TP53BP1: variants seen among roughly 807,000 people sequenced by gnomAD.
The protein encoded by TP53BP1 is tumor protein p53 binding protein 1.
TP53BP1 carries 61 observed loss-of-function variants against 200.8 expected under a neutral mutation model. The ratio of observed to expected loss-of-function variants is 0.30; its 90% CI spans 0.25 to 0.38. TP53BP1 has a LOEUF of 0.38. Ranked by LOEUF, TP53BP1 falls within the 10% of genes least tolerant of loss-of-function variation. The pLI is 1.00. For synonymous variants in TP53BP1, 822 were observed against 844.3 expected (o/e 0.97, Z 0.46); for missense variants, 2,144 against 2,371.9 (o/e 0.90, Z 2.00).
chr15:43,498,759 G>A (rs548639778), intron 1 of TP53BP1, among the ~76,000 whole-genome samples: 213 of 152,248 alleles, frequency 1.4e-3, no homozygotes, highest in Non-Finnish European at 1.6e-3. Flanking sequence ...ACGAATCAAT[G>A]TTATTTTCCT....
chr15:43,419,575 G>A (rs2045348069), intron 21 of TP53BP1, among the ~76,000 whole-genome samples: 1 of 126,188 alleles, frequency 7.9e-6, no homozygotes, highest in Admixed American at 8.9e-5. Context: ...GAGAGACAGG[G>A]TCTCACTATG....
chr15:43,412,567 G>A (rs1310731550), intron 24 of TP53BP1: 2 of 405,656 alleles, frequency 4.9e-6, no homozygotes, highest in Non-Finnish European at 1.0e-5. Flanking sequence ...AGGTTAAAGA[G>A]AGGTATAAGA....
intron 1 of TP53BP1, among the ~76,000 whole-genome samples, chr15:43,503,109 C>T (rs976082144): frequency 6.6e-6 from 1 of 152,150 alleles, no homozygotes; most frequent in African/African-American, 2.4e-5. Flanking sequence ...AAAATTGGGC[C>T]CATTTTAAGT....
At chr15:43,438,100 T>G (rs45544834) in intron 16 of TP53BP1, among the ~76,000 whole-genome samples, 2,281 of 152,340 alleles carry the variant, frequency 0.015, 40 homozygotes, top group African/African-American at 0.052. Flanking sequence ...TGCATACATA[T>G]GGGCAGTGCC....
At chr15:43,409,155 A>C in intron 25 of TP53BP1, 59 bp from the exon 26 acceptor site, 4 of 1,519,064 alleles carry the variant, frequency 2.6e-6, no homozygotes, top group Non-Finnish European at 3.6e-6. Flanking sequence ...GCTCCTAAGC[A>C]GCAGCCATAA....
chr15:43,492,291 G>C lies in TP53BP1; in HGVS notation c.185C>G (p.Pro62Arg), dbSNP rs1187821901. ...AAACAAGGTATCACTCACCAACACA[G>C]GATTTTCTTTGTGCGTCTGGAGATT... ...LPNLQTHKEN[P>R]VLDVVSNPEQ... The change falls in exon 2 of 28, where the codon CCT (proline) becomes CGT (arginine). Residue 62 changes from proline to arginine, a missense_variant. Around this residue, in one of 4 missense-constraint regions of TP53BP1, gnomAD observed 1,700 missense variants for 1,710.3 expected, o/e 0.99. Transcript: ENST00000382044. 7.4e-6 allele frequency: 12 copies of C among 1,613,458 alleles called. No individual in the cohort carries two copies. Among genetic ancestry groups the C allele is most frequent in the African/African-American group, 1.3e-5 (1 of 74,830 alleles).
At chr15:43,416,127 T>C (rs2045261182) in intron 22 of TP53BP1, 98 bp downstream of exon 22, 2 of 1,170,322 alleles carry the variant, frequency 1.7e-6, no homozygotes, top group Non-Finnish European at 2.4e-6. Context: ...ATAGGAATAA[T>C]AAAAGTTAGG....
chr15:43,409,748 T>TAA lies in TP53BP1; in HGVS notation c.5306-9_5306-8dup. On this transcript the variant is annotated splice_region_variant and splice_polypyrimidine_tract_variant and intron_variant, in intron 24 of 27. Transcript: ENST00000382044. Reference sequence around the variant, plus strand: ...GGAGGAATTTCCAAAAATTCTATATTAAAAAAAAAAACCAAGATAATAATT... The same window carrying TAA: ...GGAGGAATTTCCAAAAATTCTATATTAAAAAAAAAAAAACCAAGATAATAATT... 125 of 1,221,794 alleles carry TAA rather than the reference T, an allele frequency of 1.0e-4. No individual in the cohort carries two copies. The highest frequency in any genetic ancestry group is 2.3e-4 in the Middle Eastern group (1 of 4,336). The allele number at this position is 1,221,794 out of a possible 1,614,324, so 75.7% of individuals were successfully genotyped here.
At chr15:43,436,731 C>T (rs1595553232) in intron 16 of TP53BP1, among the ~76,000 whole-genome samples, 1 of 151,778 alleles carries the variant, frequency 6.6e-6, no homozygotes, top group East Asian at 1.9e-4. Context: ...AATCCTCATG[C>T]TTTGGCCTCC....
At chr15:43,487,767 G>A (rs887919356) in intron 4 of TP53BP1, among the ~76,000 whole-genome samples, 9 of 141,342 alleles carry the variant, frequency 6.4e-5, no homozygotes, top group Non-Finnish European at 1.2e-4. Flanking sequence ...CTGGGCGACA[G>A]AGCAAGACTC....
At chr15:43,495,124 C>G (rs101094), upstream of TP53BP1, among the ~76,000 whole-genome samples, 42,688 of 151,140 alleles carry the variant, frequency 0.28, 10,193 homozygotes, top group African/African-American at 0.65. Flanking sequence ...CTAGGAGGCA[C>G]AGGTTGCAAT....
chr15:43,408,829 G>C, intron 26 of TP53BP1, 68 bp downstream of exon 26: 2 of 1,501,408 alleles, frequency 1.3e-6, no homozygotes, highest in Non-Finnish European at 1.9e-6. Context: ...CTCTCACCTA[G>C]ATTCTCTTCC....
Position 43,422,552 on chromosome 15 carries a change from G to A in TP53BP1, c.3829-426C>T, listed in dbSNP as rs554752236. The stretch of plus-strand genomic sequence containing the variant: ...TCTTATCTGAGAGAAGACAGGGAAG[G>A]AGGTAGGCAGGTGAGAGGAGAAAAT... On this transcript the variant is annotated intron_variant, in intron 18 of 27. Coordinates refer to ENST00000382044, the MANE Select transcript of TP53BP1 (RefSeq NM_001141980.3). Among the ~76,000 whole-genome samples the A allele has an allele frequency of 2.0e-5, 3 of 152,216 alleles. No individual in the cohort carries two copies. In the South Asian group the frequency reaches 6.2e-4, roughly 32 times the overall value.
intron 10 of TP53BP1, among the ~76,000 whole-genome samples, chr15:43,472,180 CTA>C (rs2046742175): frequency 6.6e-6 from 1 of 152,206 alleles, no homozygotes; most frequent in Non-Finnish European, 1.5e-5. Context: ...AAAAATCTCT[CTA>C]TGCCTCCATT....
chr15:43,435,191 A>G (rs567959628), intron 16 of TP53BP1, among the ~76,000 whole-genome samples: 25 of 126,538 alleles, frequency 2.0e-4, no homozygotes, highest in African/African-American at 6.8e-4. Context: ...CGAACCTGGG[A>G]GGTGGAGGTT....
chr15:43,493,812 C>G (rs1040518478), upstream of TP53BP1, among the ~76,000 whole-genome samples: 2 of 152,180 alleles, frequency 1.3e-5, no homozygotes, highest in African/African-American at 4.8e-5. Context: ...ACTTGTTTAT[C>G]GTTGCCTTAT....
chr15:43,428,821 G>C (rs1365209011), intron 17 of TP53BP1, among the ~76,000 whole-genome samples: 1 of 152,030 alleles, frequency 6.6e-6, no homozygotes, highest in Non-Finnish European at 1.5e-5. Context: ...GAATAATGTA[G>C]GGCTAAATAA....
In TP53BP1 at chr15:43,407,485, C is replaced by G. The variant is rs2044943776; in HGVS notation, c.5832G>C (p.Leu1944=). 6.2e-7 allele frequency: 1 copy of G among 1,614,224 alleles called. No homozygotes were observed. Among genetic ancestry groups the G allele is most frequent in the East Asian group, 2.2e-5 (1 of 44,884 alleles). Residue 1944 remains leucine, a synonymous_variant, in exon 28 of 28, where the codon CTG becomes CTC. Coordinates refer to ENST00000382044, the MANE Select transcript of TP53BP1 (RefSeq NM_001141980.3). ...TCACCCACTCTTGTGACACCACAGG[C>G]AGCTGCAATGCTTCAGCACACTTCA... ...SVLKCAEALQ[L]PVVSQEWVIQ... is the part of the protein sequence containing the mutation.
chr15:43,493,282 A>T, upstream of TP53BP1: 5 of 1,354,484 alleles, frequency 3.7e-6, no homozygotes, highest in South Asian at 7.6e-5. Flanking sequence ...AAAAAGGAAC[A>T]CGGCGGCGCG....
Sources: allele counts gnomAD v4.1 joint callset (sites outside exome capture counted in the v4.1 genomes callset), GRCh38; gene constraint gnomAD v4.1.1; regional missense constraint gnomAD v4.1.1; transcripts MANE v1.5; gene names NCBI Gene and HGNC (gene_info 2026-07-23, HGNC 2026-07-21).